The following CCDC198 variants were observed in gnomAD, a reference collection of about 807,000 sequenced individuals.
The protein encoded by CCDC198 is coiled-coil domain containing 198, also known as factor associated with metabolism and energy.
A neutral mutation model predicts 35.6 loss-of-function variants in CCDC198; 18 were observed. That is an observed-to-expected ratio of 0.51 (90% CI 0.35 to 0.75). The LOEUF (loss-of-function observed/expected upper bound fraction) is 0.75. CCDC198 is among the 30% of genes least tolerant of loss of function. The pLI, the probability that CCDC198 is intolerant of heterozygous loss-of-function variation, is 0.01. For missense variants in CCDC198, 365 were observed against 343.7 expected, an observed-to-expected ratio of 1.06 and a Z score of -0.49; for synonymous variants, 119 against 113.4, an observed-to-expected ratio of 1.05 and a Z score of -0.31.
At chr14:57,490,437 A>C (rs1193605658) in intron 2 of CCDC198, among the ~76,000 whole-genome samples, 1 of 152,184 alleles carries the variant, frequency 6.6e-6, no homozygotes. Context: ...AAGGTTAAAG[A>C]TAGAAGGACT....
intron 5 of CCDC198, among the ~76,000 whole-genome samples, chr14:57,475,937 G>T (rs1490007158): frequency 6.6e-6 from 1 of 151,108 alleles, no homozygotes; most frequent in Non-Finnish European, 1.5e-5. Flanking sequence ...CAGTAGTTGG[G>T]ATTACAGGCA....
At chr14:57,485,355 G>A (rs1395254357) in intron 2 of CCDC198, among the ~76,000 whole-genome samples, 2 of 152,192 alleles carry the variant, frequency 1.3e-5, no homozygotes, top group African/African-American at 2.4e-5. Context: ...AGGAGACTGG[G>A]AAGTGATGGC....
At chr14:57,473,189 G>A (rs950846356) in intron 5 of CCDC198, among the ~76,000 whole-genome samples, 1 of 152,152 alleles carries the variant, frequency 6.6e-6, no homozygotes, top group African/African-American at 2.4e-5. Context: ...CTCAGTGAGA[G>A]GCTACCAGTT....
At chr14:57,482,368 A>G (rs1398862590) in intron 3 of CCDC198, among the ~76,000 whole-genome samples, 1 of 152,166 alleles carries the variant, frequency 6.6e-6, no homozygotes, top group African/African-American at 2.4e-5. Flanking sequence ...TGTGAACCTC[A>G]GGGAGGGGCC....
At chr14:57,472,753 T>G (rs970298858) in intron 5 of CCDC198, among the ~76,000 whole-genome samples, 2 of 152,214 alleles carry the variant, frequency 1.3e-5, no homozygotes, top group Admixed American at 6.5e-5. Flanking sequence ...GTTTTTTATT[T>G]AAGCAGTTCC....
At position 57,480,771 on chromosome 14, in the gene CCDC198, A is replaced by G. The variant is rs374411494; in HGVS notation, c.496-17T>C. The G allele has an allele frequency of 1.5e-5, 24 of 1,612,818 alleles. No homozygotes were observed. The highest frequency in any genetic ancestry group is 2.0e-5 in the Non-Finnish European group (24 of 1,179,424). The stretch of plus-strand genomic sequence containing the variant: ...CATTTGGGCCTGAAAATCATCAACT[A>G]TAAATGATCAATGTTCTTCCCAAGC... On this transcript the variant is annotated splice_polypyrimidine_tract_variant and intron_variant, in intron 4 of 5. Coordinates refer to ENST00000216445, the MANE Select transcript of CCDC198 (RefSeq NM_018168.4).
chr14:57,485,096 G>A, intron 2 of CCDC198, among the ~76,000 whole-genome samples: 2 of 152,166 alleles, frequency 1.3e-5, no homozygotes, highest in Non-Finnish European at 2.9e-5. Context: ...GGATGTAGAA[G>A]GAAAATACAA....
intron 3 of CCDC198, 80 bp from the exon 4 acceptor site, chr14:57,481,740 A>G: frequency 1.1e-6 from 1 of 878,872 alleles, no homozygotes; most frequent in Non-Finnish European, 1.8e-6. Context: ...CCTTTTTGAA[A>G]CAGAGTCAGA....
chr14:57,481,409 T>C (rs1358370144), intron 4 of CCDC198, 150 bp downstream of exon 4: 1 of 582,460 alleles, frequency 1.7e-6, no homozygotes, highest in African/African-American at 1.9e-5. Flanking sequence ...TTCCTGATTC[T>C]TCTCAGCTTT....
At chr14:57,481,142 G>A (rs943810208) in intron 4 of CCDC198, among the ~76,000 whole-genome samples, 1 of 152,088 alleles carries the variant, frequency 6.6e-6, no homozygotes, top group African/African-American at 2.4e-5. Flanking sequence ...TGTTTGGTTG[G>A]TTGGTTGTTT....
intron 5 of CCDC198, among the ~76,000 whole-genome samples, chr14:57,476,817 C>T (rs1410166689): frequency 6.6e-6 from 1 of 152,172 alleles, no homozygotes; most frequent in Non-Finnish European, 1.5e-5. Flanking sequence ...TAGTAGAATG[C>T]TTATGTAAGT....
rs768213714 is a variant in CCDC198, at chr14:57,490,915, T to A, written c.306+74A>T. On this transcript the variant is annotated intron_variant, in intron 2 of 5. Transcript: ENST00000216445. ...GGTCCTTATCAATATCCCTCTTTGATGATTATAGTTTAAAAAGGGATGTTA... is the reference window on the plus strand; with the variant it reads ...GGTCCTTATCAATATCCCTCTTTGAAGATTATAGTTTAAAAAGGGATGTTA... 12 of 1,305,030 alleles carry A rather than the reference T, an allele frequency of 9.2e-6. No homozygotes were observed. The Middle Eastern group carries it at 7.5e-4, about 82-fold the overall frequency. 80.8% of individuals were successfully genotyped at this position (1,305,030 alleles called of 1,614,324 possible). A position where few individuals can be genotyped will look rare whatever the true frequency, so the allele number is the denominator to read the frequency against.
intron 5 of CCDC198, chr14:57,478,662 T>G: frequency 1.0e-6 from 1 of 994,078 alleles, no homozygotes. Context: ...TTTTTCTTGG[T>G]TGTTTTGTGT....
intron 5 of CCDC198, chr14:57,480,157 A>G (rs912057821): frequency 2.1e-6 from 1 of 471,270 alleles, no homozygotes; most frequent in Non-Finnish European, 2.8e-6. Context: ...GAATGTGCCA[A>G]AGAGAGTTGA....
intron 2 of CCDC198, among the ~76,000 whole-genome samples, chr14:57,489,525 A>T (rs1000563182): frequency 1.5e-4 from 23 of 152,152 alleles, no homozygotes; most frequent in Non-Finnish European, 2.9e-4. Flanking sequence ...CCCTGAACTT[A>T]AAAGTTGAAG....
chr14:57,478,661 G>T, intron 5 of CCDC198: 2 of 994,196 alleles, frequency 2.0e-6, no homozygotes, highest in Middle Eastern at 5.1e-4. Context: ...TTTTTTCTTG[G>T]TTGTTTTGTG....
chr14:57,474,603 A>C (rs529111904), intron 5 of CCDC198, among the ~76,000 whole-genome samples: 1 of 152,374 alleles, frequency 6.6e-6, no homozygotes, highest in East Asian at 1.9e-4. Context: ...TATTACATAC[A>C]TAGTTTTGTG....
At chr14:57,475,117 C>G (rs1231977737) in intron 5 of CCDC198, among the ~76,000 whole-genome samples, 1 of 151,596 alleles carries the variant, frequency 6.6e-6, no homozygotes, top group Admixed American at 6.6e-5. Flanking sequence ...AAAAATTAGC[C>G]GGGCATGGTG....
chr14:57,483,316 G>A, intron 2 of CCDC198, 165 bp from the exon 3 acceptor site: 1 of 1,037,492 alleles, frequency 9.6e-7, no homozygotes, highest in Non-Finnish European at 1.4e-6. Flanking sequence ...TTGGTACAAA[G>A]GGCTTTTCAA....
Sources: allele counts gnomAD v4.1 joint callset (sites outside exome capture counted in the v4.1 genomes callset), GRCh38; gene constraint gnomAD v4.1.1; transcripts MANE v1.5; gene names NCBI Gene and HGNC (gene_info 2026-07-23, HGNC 2026-07-21).